UNC5D: variants seen among roughly 807,000 people sequenced by gnomAD.
UNC5D encodes the protein unc-5 netrin receptor D.
A neutral mutation model predicts 105.4 loss-of-function variants in UNC5D; 39 were observed. That is an observed-to-expected ratio of 0.37 (90% confidence interval 0.29 to 0.48). The LOEUF (loss-of-function observed/expected upper bound fraction) is 0.48. Ranked by LOEUF, UNC5D falls within the 20% of genes least tolerant of loss-of-function variation. UNC5D has a pLI of 0.98. For missense variants in UNC5D, 991 were observed against 1,202.4 expected (o/e 0.82, Z 2.60); for synonymous variants, 452 against 450.4 (o/e 1.00, Z -0.04).
intron 4 of UNC5D, among the ~76,000 whole-genome samples, chr8:35,682,170 G>A (rs1429330279): frequency 2.6e-5 from 4 of 152,108 alleles, no homozygotes; most frequent in Non-Finnish European, 5.9e-5. Context: ...TCACCATGTT[G>A]GTCAGGCTGG....
intron 1 of UNC5D, among the ~76,000 whole-genome samples, chr8:35,239,807 A>G (rs982760589): frequency 1.9e-4 from 29 of 152,158 alleles, no homozygotes; most frequent in Admixed American, 3.3e-4. Context: ...AGATCAATGG[A>G]AACGTTCCCT....
chr8:35,327,170 G>A (rs903953797), intron 1 of UNC5D, among the ~76,000 whole-genome samples: 1 of 152,174 alleles, frequency 6.6e-6, no homozygotes, highest in Non-Finnish European at 1.5e-5. Context: ...ACTGAGTTCT[G>A]CAACATATAG....
chr8:35,779,744 C>T (rs1436865002), intron 16 of UNC5D, among the ~76,000 whole-genome samples: 1 of 152,152 alleles, frequency 6.6e-6, no homozygotes, highest in Non-Finnish European at 1.5e-5. Context: ...GCGTGTGCCA[C>T]CATGCCTAGC....
At chr8:35,377,289 C>T (rs1159633081) in intron 1 of UNC5D, among the ~76,000 whole-genome samples, 5 of 152,158 alleles carry the variant, frequency 3.3e-5, no homozygotes, top group Non-Finnish European at 7.3e-5. Flanking sequence ...TCTCCTGGCT[C>T]AGCTTTGGAG....
chr8:35,472,697 G>A (rs1430184093), intron 1 of UNC5D, among the ~76,000 whole-genome samples: 3 of 152,158 alleles, frequency 2.0e-5, no homozygotes, highest in Non-Finnish European at 4.4e-5. Context: ...AACCCTGAAC[G>A]GAGAATCCTG....
intron 1 of UNC5D, among the ~76,000 whole-genome samples, chr8:35,280,620 A>T (rs1375694630): frequency 6.6e-6 from 1 of 152,198 alleles, no homozygotes; most frequent in African/African-American, 2.4e-5. Context: ...GTCAACTGAA[A>T]TAGAGTTCAT....
chr8:35,271,608 A>C (rs1307452158), intron 1 of UNC5D, among the ~76,000 whole-genome samples: 1 of 145,588 alleles, frequency 6.9e-6, no homozygotes, highest in Admixed American at 6.9e-5. Context: ...TACATGTATT[A>C]TATATTATAT....
chr8:35,761,404 A>C (rs1442680002), intron 14 of UNC5D, among the ~76,000 whole-genome samples: 1 of 152,142 alleles, frequency 6.6e-6, no homozygotes, highest in African/African-American at 2.4e-5. Context: ...AGGGATACCA[A>C]AGAAAGCCCC....
chr8:35,405,553 T>A (rs1020369680), intron 1 of UNC5D, among the ~76,000 whole-genome samples: 1 of 152,182 alleles, frequency 6.6e-6, no homozygotes, highest in Non-Finnish European at 1.5e-5. Context: ...ACATTTCCAA[T>A]GGTAAATGTG....
chr8:35,733,977 A>G (rs1419571910), intron 11 of UNC5D, among the ~76,000 whole-genome samples: 2 of 151,240 alleles, frequency 1.3e-5, no homozygotes, highest in African/African-American at 4.9e-5. Context: ...AGGGGTCTAA[A>G]CCCAGTGATT....
intron 1 of UNC5D, among the ~76,000 whole-genome samples, chr8:35,458,936 A>G (rs1242404735): frequency 1.3e-5 from 2 of 152,154 alleles, no homozygotes; most frequent in Non-Finnish European, 2.9e-5. Context: ...TCAGCTCTGT[A>G]GTGGATGCAG....
At chr8:35,431,276 T>A (rs1209667779) in intron 1 of UNC5D, among the ~76,000 whole-genome samples, 2 of 152,184 alleles carry the variant, frequency 1.3e-5, no homozygotes, top group African/African-American at 4.8e-5. Context: ...CATGACTCAG[T>A]TATTCATTCA....
At chr8:35,389,444 CAG>C (rs1563369539) in intron 1 of UNC5D, among the ~76,000 whole-genome samples, 2 of 152,090 alleles carry the variant, frequency 1.3e-5, no homozygotes, top group African/African-American at 4.8e-5. Context: ...CTTTGAGTAA[CAG>C]AGAACTAGAT....
rs60112660 is a variant in UNC5D at position 35,786,859 on chromosome 8, C to T, written c.2658-3500C>T. Among the ~76,000 whole-genome samples the T allele has an allele frequency of 5.1e-3, 778 of 152,196 alleles. 5 individuals carry two copies. The highest frequency in any genetic ancestry group is 0.018 in the African/African-American group (752 of 41,538). On this transcript the variant is annotated intron_variant, in intron 16 of 16. Coordinates refer to ENST00000404895, the MANE Select transcript of UNC5D (RefSeq NM_080872.4). ...ATGGTGGCCTGCAGGCCACATTTGGCCCACCACCTGCTTGTATACAGCCCA... is the reference window on the plus strand; with the variant it reads ...ATGGTGGCCTGCAGGCCACATTTGGTCCACCACCTGCTTGTATACAGCCCA...
At chr8:35,385,447 T>A (rs1803324833) in intron 1 of UNC5D, among the ~76,000 whole-genome samples, 1 of 144,278 alleles carries the variant, frequency 6.9e-6, no homozygotes, top group Admixed American at 7.1e-5. Context: ...TGTCTTCACA[T>A]CCCTCTACCT....
intron 11 of UNC5D, among the ~76,000 whole-genome samples, chr8:35,739,237 T>A (rs1023177551): frequency 1.3e-5 from 2 of 152,198 alleles, no homozygotes; most frequent in Non-Finnish European, 2.9e-5. Flanking sequence ...GAAATCATGA[T>A]GATTTCTTCA....
rs186299453 is a variant in UNC5D at position 35,689,949 on chromosome 8, A to G, written c.1084+3240A>G. Among the ~76,000 whole-genome samples the G allele has an allele frequency of 9.4e-4, 143 of 152,292 alleles. 1 individual carries two copies. The highest frequency in any genetic ancestry group is 3.2e-3 in the African/African-American group (135 of 41,572). On this transcript the variant is annotated intron_variant, in intron 7 of 16. Coordinates refer to ENST00000404895, the MANE Select transcript of UNC5D (RefSeq NM_080872.4). Reference sequence around the variant, plus strand: ...GCTTTTGTGAAATTAAAACAGCTCAATCCATTCCTATAGTGGAAATAACAT... The same window carrying G: ...GCTTTTGTGAAATTAAAACAGCTCAGTCCATTCCTATAGTGGAAATAACAT...
chr8:35,768,193 T>G (rs1280289253), intron 15 of UNC5D, among the ~76,000 whole-genome samples: 1 of 152,166 alleles, frequency 6.6e-6, no homozygotes, highest in East Asian at 1.9e-4. Flanking sequence ...AAATGAGCAT[T>G]GCTAATTCCC....
Position 35,556,583 on chromosome 8 carries a change from AGAG to A in UNC5D, c.322+7079_322+7081del, listed in dbSNP as rs550486077. 6.8e-4 allele frequency among the ~76,000 whole-genome samples: 104 copies of A among 152,360 alleles called. 1 individual carries two copies. The highest frequency in any genetic ancestry group is 6.8e-3 in the Middle Eastern group (2 of 294). ...ACAGAATAGGATGTTCCTGAAAGTA[AGAG>A]GAGGAACACATCCACTGTAGGTACA... On this transcript the variant is annotated intron_variant, in intron 2 of 16. Coordinates refer to ENST00000404895, the MANE Select transcript of UNC5D (RefSeq NM_080872.4).
Sources: gnomAD v4.1 joint callset for allele counts (sites outside exome capture counted in the v4.1 genomes callset) on GRCh38, gnomAD v4.1.1 for gene constraint, MANE v1.5 for transcripts, NCBI Gene and HGNC (gene_info 2026-07-23, HGNC 2026-07-21) for gene names.